Variants in GPLD1 observed in about 807,000 individuals in gnomAD.
GPLD1 encodes the protein phosphatidylinositol-glycan-specific phospholipase D.
A neutral mutation model predicts 112.6 loss-of-function variants in GPLD1; 84 were observed. That is an observed-to-expected ratio of 0.75 (90% CI 0.63 to 0.89). The LOEUF (loss-of-function observed/expected upper bound fraction) is 0.89. Ranked by LOEUF, GPLD1 falls within the 40% of genes least tolerant of loss-of-function variation. The probability of loss-of-function intolerance (pLI) is 0.00; values close to 1 mark genes in which losing one functional copy is unlikely to be tolerated. For synonymous variants in GPLD1, 386 were observed against 403.8 expected, an observed-to-expected ratio of 0.96 and a Z score of 0.53; for missense variants, 1,044 against 1,051.5, an observed-to-expected ratio of 0.99 and a Z score of 0.10.
intron 20 of GPLD1, among the ~76,000 whole-genome samples, chr6:24,440,340 G>A (rs559098525): frequency 2.0e-4 from 31 of 152,190 alleles, no homozygotes; most frequent in African/African-American, 7.0e-4. Flanking sequence ...CTACTCAAGA[G>A]GCTTGAGGCG....
chr6:24,477,254 A>G (rs1764051596), intron 3 of GPLD1, among the ~76,000 whole-genome samples: 2 of 147,408 alleles, frequency 1.4e-5, no homozygotes. Context: ...AAAGTCCCCC[A>G]GGACATACTA....
At chr6:24,440,926 G>A (rs1050326514) in intron 20 of GPLD1, among the ~76,000 whole-genome samples, 1 of 152,068 alleles carries the variant, frequency 6.6e-6, no homozygotes. Flanking sequence ...AAACAATACA[G>A]CCATCCCTCA....
chr6:24,495,257 G>A, upstream of GPLD1: 3 of 1,532,106 alleles, frequency 2.0e-6, no homozygotes, highest in Non-Finnish European at 2.6e-6. Flanking sequence ...GCGCCGCTCT[G>A]GGCATGGTAG....
chr6:24,438,722 T>G (rs1762653525), intron 20 of GPLD1, among the ~76,000 whole-genome samples: 1 of 152,128 alleles, frequency 6.6e-6, no homozygotes, highest in Non-Finnish European at 1.5e-5. Context: ...AGCACAACAG[T>G]TAATATTCAG....
At chr6:24,475,459 G>C (rs1019258592) in intron 4 of GPLD1, among the ~76,000 whole-genome samples, 3 of 151,384 alleles carry the variant, frequency 2.0e-5, no homozygotes, top group African/African-American at 7.3e-5. Context: ...AGAATTGCTT[G>C]AACCTGGGAG....
chr6:24,472,473 C>T, intron 7 of GPLD1, 109 bp downstream of exon 7: 1 of 631,358 alleles, frequency 1.6e-6, no homozygotes, highest in Non-Finnish European at 2.8e-6. Flanking sequence ...TCAAAATTTA[C>T]CAGTGCAGAA....
At chr6:24,462,402 T>A (rs569700973) in intron 11 of GPLD1, among the ~76,000 whole-genome samples, 1 of 152,166 alleles carries the variant, frequency 6.6e-6, no homozygotes, top group Non-Finnish European at 1.5e-5. Context: ...CCCAGAGTGC[T>A]AGGATTACAC....
In GPLD1 at chr6:24,428,844, CAT is replaced by C. The variant is rs1387594281; in HGVS notation, c.*186_*187del. ...CTATTTCACATATTTCTGGTGCAGTCATATATTTACTGTATCAGATTTCCAGA... is the reference window on the plus strand; with the variant it reads ...CTATTTCACATATTTCTGGTGCAGTCATATTTACTGTATCAGATTTCCAGA... On this transcript the variant is annotated 3_prime_UTR_variant, in exon 25 of 25. Coordinates refer to ENST00000230036, the MANE Select transcript of GPLD1 (RefSeq NM_001503.4). The C allele has an allele frequency of 4.2e-6, 2 of 477,506 alleles. No homozygotes were observed. Among genetic ancestry groups the C allele is most frequent in the African/African-American group, 2.0e-5 (1 of 50,810 alleles). The allele number at this position is 477,506 out of a possible 1,614,324, so 29.6% of individuals were successfully genotyped here. A position where few individuals can be genotyped will look rare whatever the true frequency, so the allele number is the denominator to read the frequency against.
intron 2 of GPLD1, among the ~76,000 whole-genome samples, chr6:24,482,161 G>T (rs550737301): frequency 6.8e-5 from 10 of 147,164 alleles, no homozygotes; most frequent in African/African-American, 2.5e-4. Flanking sequence ...GTGCAGTGGC[G>T]TGATCTCAGC....
At chr6:24,449,219 A>G (rs942770194) in intron 15 of GPLD1, among the ~76,000 whole-genome samples, 3 of 151,978 alleles carry the variant, frequency 2.0e-5, no homozygotes, top group African/African-American at 7.3e-5. Flanking sequence ...CTAGAAATGG[A>G]GTGTGAGGAG....
chr6:24,436,520 A>T (rs1217617523), intron 22 of GPLD1, 56 bp downstream of exon 22: 3 of 1,454,350 alleles, frequency 2.1e-6, no homozygotes, highest in East Asian at 2.3e-5. Flanking sequence ...GTTAACAAGG[A>T]ATCAGCAATT....
rs546052630 is a variant in GPLD1 at position 24,481,146 on chromosome 6, G to A, written c.154-1187C>T. On this transcript the variant is annotated intron_variant, in intron 2 of 24. Transcript: ENST00000230036. ...AGCAGCTCCTTGACAGGCCAGTTCT[G>A]TGCATTATTTTGGGAGTCCTTTCTG... is the stretch of plus-strand genomic sequence containing the variant. Among the ~76,000 whole-genome samples the A allele has an allele frequency of 2.6e-5, 4 of 152,298 alleles. No individual in the cohort carries two copies. In the South Asian group the frequency reaches 8.3e-4, roughly 32 times the overall value.
chr6:24,468,201 T>C (rs868210710), intron 7 of GPLD1, among the ~76,000 whole-genome samples: 3 of 152,248 alleles, frequency 2.0e-5, no homozygotes, highest in Middle Eastern at 3.4e-3. Flanking sequence ...CCACCACACC[T>C]GGCCCTCCCA....
At chr6:24,458,803 G>A (rs938464603) in intron 12 of GPLD1, among the ~76,000 whole-genome samples, 4 of 152,000 alleles carry the variant, frequency 2.6e-5, no homozygotes, top group East Asian at 1.9e-4. Flanking sequence ...GCTTGAACCC[G>A]GGAGGCAGAG....
At chr6:24,453,175 A>G (rs891114212) in intron 14 of GPLD1, among the ~76,000 whole-genome samples, 9 of 152,328 alleles carry the variant, frequency 5.9e-5, no homozygotes, top group African/African-American at 2.2e-4. Flanking sequence ...AGGACAAAAG[A>G]AGGAAATCTA....
upstream of GPLD1, among the ~76,000 whole-genome samples, chr6:24,492,961 C>T (rs752837003): frequency 6.6e-6 from 1 of 152,180 alleles, no homozygotes; most frequent in South Asian, 2.1e-4. Flanking sequence ...TTCTTTTCTT[C>T]AGATTTTAGA....
At chr6:24,467,014 G>C in intron 8 of GPLD1, 75 bp from the exon 9 acceptor site, 2 of 1,329,768 alleles carry the variant, frequency 1.5e-6, no homozygotes, top group Non-Finnish European at 2.2e-6. Context: ...TGAAGAAAAA[G>C]TTCCATCCAC....
At position 24,458,381 on chromosome 6, in the gene GPLD1, G is replaced by C. The variant is rs552989755; in HGVS notation, c.1009-1744C>G. 5.3e-5 allele frequency among the ~76,000 whole-genome samples: 8 copies of C among 152,250 alleles called. No homozygotes were observed. In the South Asian group the frequency reaches 1.7e-3, roughly 32 times the overall value. On this transcript the variant is annotated intron_variant, in intron 12 of 24. Transcript: ENST00000230036. ...CATTCATCCAGGAAGCAATTAATCA[G>C]CTCCTACTATATGCCAGGTACCACA...
intron 16 of GPLD1, 43 bp downstream of exon 16, chr6:24,448,091 G>A: frequency 1.2e-6 from 2 of 1,611,326 alleles, no homozygotes; most frequent in Non-Finnish European, 8.5e-7. Context: ...TTAGGATACA[G>A]CGAGTTCTAG....
Sources: gnomAD v4.1 joint callset for allele counts (sites outside exome capture counted in the v4.1 genomes callset) on GRCh38, gnomAD v4.1.1 for gene constraint, MANE v1.5 for transcripts, NCBI Gene and HGNC (gene_info 2026-07-23, HGNC 2026-07-21) for gene names.